PXDN: variants seen among roughly 807,000 people sequenced by gnomAD.
PXDN encodes peroxidasin homolog.
A neutral mutation model predicts 140.3 loss-of-function variants in PXDN; 77 were observed. That is an observed-to-expected ratio of 0.55 (90% CI 0.46 to 0.66). The LOEUF (loss-of-function observed/expected upper bound fraction) is 0.66. PXDN is among the 30% of genes least tolerant of loss of function. The pLI, the probability that PXDN is intolerant of heterozygous loss-of-function variation, is 0.00. For missense variants in PXDN, 1,838 were observed against 2,039.5 expected (o/e 0.90, Z 1.90); for synonymous variants, 911 against 857.4 (o/e 1.06, Z -1.09).
rs1243694035 is a variant in PXDN, at chr2:1,660,581, G to A, written c.1837+300C>T. ...TTTCTGGACAGATGTGGATGACCCC[G>A]GAGCAAAGCTCTGCCCAGTGGATGG... is the stretch of plus-strand genomic sequence containing the variant. On this transcript the variant is annotated intron_variant, in intron 14 of 22. Transcript: ENST00000252804. The surrounding 1 kb of genome is among the most constrained non-coding windows in gnomAD (Gnocchi z 4.6). Among the ~76,000 whole-genome samples the A allele has an allele frequency of 3.3e-5, 5 of 152,290 alleles. No individual in the cohort carries two copies. Among genetic ancestry groups the A allele is most frequent in the Admixed American group, 2.0e-4 (3 of 15,304 alleles).
Position 1,639,002 on chromosome 2 carries a change from G to A in PXDN, c.4074-24C>T. Reference sequence around the variant, plus strand: ...CACTGTGGTGAGGGGAAAGGAGGAGGAGGGAAATATAACCTTGGCAGGTCA... The same window carrying A: ...CACTGTGGTGAGGGGAAAGGAGGAGAAGGGAAATATAACCTTGGCAGGTCA... On this transcript the variant is annotated intron_variant, in intron 20 of 22. Transcript: ENST00000252804. This position sits in a 1 kb window ranked among gnomAD's most constrained non-coding sequence, Gnocchi z 5.0. 1.9e-6 allele frequency: 3 copies of A among 1,612,596 alleles called. No homozygotes were observed. Among genetic ancestry groups the A allele is most frequent in the Non-Finnish European group, 2.5e-6 (3 of 1,178,804 alleles).
intron 1 of PXDN, among the ~76,000 whole-genome samples, chr2:1,732,256 C>G (rs764874423): frequency 2.0e-5 from 3 of 152,104 alleles, no homozygotes; most frequent in Non-Finnish European, 4.4e-5. Context: ...AGGCAGCAGA[C>G]CTGGCAGGAC....
At chr2:1,678,617 C>A (rs922940903) in intron 7 of PXDN, among the ~76,000 whole-genome samples, 1 of 152,206 alleles carries the variant, frequency 6.6e-6, no homozygotes, top group East Asian at 1.9e-4. Flanking sequence ...CCCATAGGAG[C>A]ATCAGCGAAA....
intron 8 of PXDN, among the ~76,000 whole-genome samples, chr2:1,675,916 G>A (rs1480642287): frequency 6.6e-6 from 1 of 151,948 alleles, no homozygotes; most frequent in Admixed American, 6.6e-5. Context: ...AGGAGTGCTG[G>A]GGCTGGGCCG....
intron 1 of PXDN, among the ~76,000 whole-genome samples, chr2:1,740,205 T>C (rs1572208063): frequency 6.6e-6 from 1 of 151,724 alleles, no homozygotes; most frequent in Middle Eastern, 3.4e-3. Context: ...AGCCAGGGAG[T>C]CCCCGGCAGG....
At chr2:1,735,182 C>T (rs1273183217) in intron 1 of PXDN, among the ~76,000 whole-genome samples, 3 of 152,310 alleles carry the variant, frequency 2.0e-5, no homozygotes, top group Non-Finnish European at 2.9e-5. Context: ...ACTTTCTCCA[C>T]GAAGTCTCTG....
Position 1,640,326 on chromosome 2 carries a change from C to T in PXDN, c.3953-904G>A, listed in dbSNP as rs1199002100. On this transcript the variant is annotated intron_variant, in intron 19 of 22. Transcript: ENST00000252804. Reference sequence around the variant, plus strand: ...AGTGAAGGGCAAATATGGACCTTTGCAAAATGCTAATGTCTCAGGAAGCCA... The same window carrying T: ...AGTGAAGGGCAAATATGGACCTTTGTAAAATGCTAATGTCTCAGGAAGCCA... Among the ~76,000 whole-genome samples, 6 of 152,334 alleles carry T rather than the reference C, an allele frequency of 3.9e-5. No homozygotes were observed. In the South Asian group the frequency reaches 8.3e-4, roughly 21 times the overall value.
chr2:1,650,512 T>G (rs1018763743), intron 16 of PXDN, among the ~76,000 whole-genome samples: 3 of 152,114 alleles, frequency 2.0e-5, no homozygotes, highest in Non-Finnish European at 4.4e-5. Context: ...CAGATCCTAG[T>G]CTTCGCCTTC....
chr2:1,700,156 G>A (rs1372584582), intron 1 of PXDN, among the ~76,000 whole-genome samples: 1 of 152,114 alleles, frequency 6.6e-6, no homozygotes, highest in Non-Finnish European at 1.5e-5. Flanking sequence ...CCGCCTCCCG[G>A]GTTCAAGCAA....
chr2:1,744,133 AG>A, intron 1 of PXDN, 122 bp downstream of exon 1: 1 of 1,000,448 alleles, frequency 1.0e-6, no homozygotes, highest in Non-Finnish European at 1.3e-6. Context: ...CCAAGTCCCC[AG>A]GCCCCCCGCG....
intron 1 of PXDN, among the ~76,000 whole-genome samples, chr2:1,744,041 C>T (rs1275585513): frequency 3.9e-5 from 6 of 152,098 alleles, no homozygotes; most frequent in African/African-American, 1.4e-4. Context: ...CCCTCGGCGT[C>T]TCCCGCAGGG....
chr2:1,672,968 C>T (rs1408446889), intron 9 of PXDN, among the ~76,000 whole-genome samples: 3 of 152,242 alleles, frequency 2.0e-5, no homozygotes, highest in East Asian at 1.9e-4. Context: ...CGTCCAGAGG[C>T]ATGAACTGAT....
intron 1 of PXDN, among the ~76,000 whole-genome samples, chr2:1,739,372 C>A (rs2125496716): frequency 6.6e-6 from 1 of 152,236 alleles, no homozygotes. Context: ...AGCATGTCGA[C>A]CCTGGATCAA....
chr2:1,663,770 G>C lies in PXDN; in HGVS notation c.1409-7C>G. ...TCCACGGAGAGCTGGCTCCCTGCAA[G>C]GGCATGGGCCCGTTACACTGGACAC... On this transcript the variant is annotated splice_polypyrimidine_tract_variant and splice_region_variant and intron_variant, in intron 11 of 22. Coordinates refer to ENST00000252804, the MANE Select transcript of PXDN (RefSeq NM_012293.3). The C allele has an allele frequency of 7.4e-6, 12 of 1,611,296 alleles. No homozygotes were observed. The highest frequency in any genetic ancestry group is 1.0e-5 in the Non-Finnish European group (12 of 1,179,784).
chr2:1,691,052 CT>C (rs1684173620), intron 3 of PXDN, among the ~76,000 whole-genome samples: 1 of 152,138 alleles, frequency 6.6e-6, no homozygotes, highest in African/African-American at 2.4e-5. Context: ...ACGTGTACCC[CT>C]ATGTAACAAA....
chr2:1,683,116 T>A, intron 6 of PXDN, among the ~76,000 whole-genome samples: 1 of 150,758 alleles, frequency 6.6e-6, no homozygotes, highest in African/African-American at 2.4e-5. Context: ...GCATGGTGGC[T>A]TATGCCTGTA....
chr2:1,728,381 C>G lies in PXDN; in HGVS notation c.200+15875G>C, dbSNP rs1389337016. ...AGAGCCTCTCTCTAGGAGCTACCAG[C>G]CGGAGAATACAGTCCCTCCGCATTA... On this transcript the variant is annotated intron_variant, in intron 1 of 22. Coordinates refer to ENST00000252804, the MANE Select transcript of PXDN (RefSeq NM_012293.3). Among the ~76,000 whole-genome samples, 4 of 152,264 alleles carry G rather than the reference C, an allele frequency of 2.6e-5. No individual in the cohort carries two copies. The East Asian group carries it at 7.7e-4, about 29-fold the overall frequency.
At chr2:1,725,610 CA>C (rs1223346295) in intron 1 of PXDN, among the ~76,000 whole-genome samples, 1 of 152,072 alleles carries the variant, frequency 6.6e-6, no homozygotes, top group Non-Finnish European at 1.5e-5. Flanking sequence ...TTCTGCATAG[CA>C]AAACAAACTA....
At chr2:1,645,996 G>C (rs190490662) in intron 17 of PXDN, 1 of 152,390 alleles carries the variant, frequency 6.6e-6, no homozygotes, top group Admixed American at 6.5e-5. Flanking sequence ...AATGTCCCAC[G>C]GCTGGGGATG....
Sources: gnomAD v4.1 joint callset for allele counts (sites outside exome capture counted in the v4.1 genomes callset) on GRCh38, gnomAD v4.1.1 for gene constraint, Gnocchi (gnomAD v3.1) non-coding constraint, MANE v1.5 for transcripts, NCBI Gene and HGNC (gene_info 2026-07-23, HGNC 2026-07-21) for gene names.